Variants in C10orf67 observed in about 807,000 individuals in gnomAD.
C10orf67 encodes the protein uncharacterized protein C10orf67, mitochondrial.
C10orf67 carries 60 observed loss-of-function variants against 35.6 expected under a neutral mutation model. That is an observed-to-expected ratio of 1.68 (90% CI 1.37 to 2.09). The LOEUF is 2.09. C10orf67 is among the 30% of genes most tolerant of loss of function. The pLI, the probability that C10orf67 is intolerant of heterozygous loss-of-function variation, is 0.00. For missense variants in C10orf67, 474 were observed against 330.2 expected, an observed-to-expected ratio of 1.44 and a Z score of -3.38; for synonymous variants, 167 against 115.8, an observed-to-expected ratio of 1.44 and a Z score of -2.84.
rs368833212 is a variant in C10orf67, at chr10:23,236,253, G to GAAAA, written c.1434+3472_1434+3475dup. On this transcript the variant is annotated intron_variant, in intron 13 of 15. Coordinates refer to ENST00000636213, the MANE Select transcript of C10orf67 (RefSeq NM_001371909.1). The stretch of plus-strand genomic sequence containing the variant: ...GACAGAGCGAGACTCCCTCTCGGGG[G>GAAAA]AAAAAAAAAAAAAAAAAAAAAAAAA... Among the ~76,000 whole-genome samples the GAAAA allele has an allele frequency of 2.1e-3, 160 of 75,784 alleles. 5 individuals carry two copies. The highest frequency in any genetic ancestry group is 6.6e-3 in the African/African-American group (110 of 16,684). The allele number at this position is 75,784 out of a possible 152,430, so 49.7% of individuals were successfully genotyped here.
At chr10:23,252,392 A>C (rs1409446220) in intron 10 of C10orf67, among the ~76,000 whole-genome samples, 1 of 152,222 alleles carries the variant, frequency 6.6e-6, no homozygotes, top group African/African-American at 2.4e-5. Flanking sequence ...TTTTTTACTG[A>C]AATAATATAT....
chr10:23,232,480 T>C (rs1841938153), intron 13 of C10orf67, among the ~76,000 whole-genome samples: 1 of 152,210 alleles, frequency 6.6e-6, no homozygotes, highest in African/African-American at 2.4e-5. Context: ...TGTAGAGCAA[T>C]GTTCCCTGGC....
At chr10:23,240,135 G>A (rs1263158623) in intron 12 of C10orf67, among the ~76,000 whole-genome samples, 1 of 152,112 alleles carries the variant, frequency 6.6e-6, no homozygotes, top group Admixed American at 6.6e-5. Flanking sequence ...AGGCTGCAGT[G>A]AGCCGTGATT....
At position 23,226,811 on chromosome 10, in the gene C10orf67, C is replaced by T. The variant is rs184560215; in HGVS notation, c.1435-2993G>A. ...CTACCATCACAGAATACTATAAACA[C>T]CTCTATGCAAATAAACTAGAAAATC... On this transcript the variant is annotated intron_variant, in intron 13 of 15. Transcript: ENST00000636213. 4.6e-5 allele frequency among the ~76,000 whole-genome samples: 7 copies of T among 152,254 alleles called. No individual in the cohort carries two copies. The East Asian group carries it at 1.3e-3, about 29-fold the overall frequency.
chr10:23,205,457 A>C (rs567972481), intron 15 of C10orf67, among the ~76,000 whole-genome samples: 5 of 152,352 alleles, frequency 3.3e-5, no homozygotes, highest in Admixed American at 1.3e-4. Flanking sequence ...AAAAGAAATG[A>C]AATTTCTTTT....
At chr10:23,341,824 C>A (rs574946976) in intron 1 of C10orf67, among the ~76,000 whole-genome samples, 87 of 152,292 alleles carry the variant, frequency 5.7e-4, no homozygotes, top group Non-Finnish European at 1.0e-3. Flanking sequence ...GCCTGCAAGT[C>A]TTCACCCCAG....
chr10:23,297,648 G>C (rs1843932596), intron 5 of C10orf67, among the ~76,000 whole-genome samples: 1 of 152,138 alleles, frequency 6.6e-6, no homozygotes, highest in Non-Finnish European at 1.5e-5. Flanking sequence ...TCAGTCAAGG[G>C]AACCTCTAAA....
intron 15 of C10orf67, among the ~76,000 whole-genome samples, chr10:23,214,050 G>A (rs1841374439): frequency 1.3e-5 from 2 of 151,638 alleles, no homozygotes; most frequent in African/African-American, 2.4e-5. Flanking sequence ...TAATGTTATT[G>A]ATATAAGATA....
chr10:23,203,609 C>G lies in C10orf67; in HGVS notation c.*564G>C, dbSNP rs1243454730. ...TTTGCATCCTTACCAGGAAGCAAAA[C>G]TCCAAAGAGTTTCCCTACTTACTAA... is the stretch of plus-strand genomic sequence containing the variant. On this transcript the variant is annotated 3_prime_UTR_variant, in exon 16 of 16. Transcript: ENST00000636213. 1 of 152,198 alleles carries G rather than the reference C, an allele frequency of 6.6e-6. No homozygotes were observed. The highest frequency in any genetic ancestry group is 1.5e-5 in the Non-Finnish European group (1 of 68,048). 9.4% of individuals were successfully genotyped at this position (152,198 alleles called of 1,614,324 possible). A position where few individuals can be genotyped will look rare whatever the true frequency, so the allele number is the denominator to read the frequency against.
intron 1 of C10orf67, among the ~76,000 whole-genome samples, chr10:23,341,441 C>T (rs1588717952): frequency 6.6e-6 from 1 of 152,340 alleles, no homozygotes; most frequent in Non-Finnish European, 1.5e-5. Flanking sequence ...CCATGGTCAT[C>T]TTCCATGAGG....
intron 15 of C10orf67, among the ~76,000 whole-genome samples, chr10:23,215,466 G>T (rs951878642): frequency 4.6e-5 from 7 of 151,852 alleles, no homozygotes; most frequent in African/African-American, 1.5e-4. Flanking sequence ...GCTAATTTTT[G>T]TATTTTTAGT....
intron 10 of C10orf67, among the ~76,000 whole-genome samples, chr10:23,250,966 A>G (rs111547376): frequency 1.5e-3 from 233 of 152,208 alleles, no homozygotes; most frequent in South Asian, 5.2e-3. Flanking sequence ...GCATAGTGGC[A>G]TGCACCTGTA....
chr10:23,220,977 T>G (rs1386620432), intron 15 of C10orf67, among the ~76,000 whole-genome samples: 1 of 152,202 alleles, frequency 6.6e-6, no homozygotes, highest in Admixed American at 6.5e-5. Flanking sequence ...GAATGCATTT[T>G]AACTTGAAAG....
At chr10:23,321,528 A>G (rs7904429) in intron 3 of C10orf67, among the ~76,000 whole-genome samples, 17,175 of 152,180 alleles carry the variant, frequency 0.11, 2,175 homozygotes, top group East Asian at 0.63. Flanking sequence ...TAGGCTTTAG[A>G]GTCAGATGGT....
chr10:23,250,430 A>G (rs1270061231), intron 12 of C10orf67, 25 bp downstream of exon 12: 1 of 398,362 alleles, frequency 2.5e-6, no homozygotes, highest in Non-Finnish European at 4.4e-6. Flanking sequence ...TTTTAGAAAT[A>G]GAATTTGTAT....
intron 12 of C10orf67, among the ~76,000 whole-genome samples, chr10:23,242,447 T>C (rs1842208326): frequency 6.6e-6 from 1 of 152,118 alleles, no homozygotes; most frequent in African/African-American, 2.4e-5. Context: ...AAGAGAGCTA[T>C]TCAGGCAGCA....
chr10:23,284,405 C>T (rs1843466745), intron 7 of C10orf67, among the ~76,000 whole-genome samples: 1 of 151,818 alleles, frequency 6.6e-6, no homozygotes, highest in Non-Finnish European at 1.5e-5. Flanking sequence ...CTCCAAAGCC[C>T]AGCACGGTGG....
At chr10:23,261,463 T>A (rs759805938) in intron 10 of C10orf67, among the ~76,000 whole-genome samples, 23 of 152,116 alleles carry the variant, frequency 1.5e-4, no homozygotes, top group Non-Finnish European at 1.3e-4. Flanking sequence ...AGACACGCAC[T>A]AACACACTTG....
rs549055655 is a variant in C10orf67, at chr10:23,288,808, T to A, written c.909+1092A>T. On this transcript the variant is annotated intron_variant, in intron 7 of 15. Transcript: ENST00000636213. ...TACTCGGTTCAGTTACTGGAAGATA[T>A]TTATGTTTATTTGGAATAACTTGGG... Among the ~76,000 whole-genome samples the A allele has an allele frequency of 3.5e-3, 538 of 152,248 alleles. 1 individual carries two copies. Among genetic ancestry groups the A allele is most frequent in the Non-Finnish European group, 6.6e-3 (446 of 68,016 alleles).
Sources: allele counts gnomAD v4.1 joint callset (sites outside exome capture counted in the v4.1 genomes callset), GRCh38; gene constraint gnomAD v4.1.1; transcripts MANE v1.5; gene names NCBI Gene and HGNC (gene_info 2026-07-23, HGNC 2026-07-21).